Variants in GOLM2 observed in about 807,000 individuals in gnomAD.
GOLM2 encodes golgi membrane protein 2.
A neutral mutation model predicts 55.9 loss-of-function variants in GOLM2; 26 were observed. That is an observed-to-expected ratio of 0.47 (90% confidence interval 0.34 to 0.65). The LOEUF (loss-of-function observed/expected upper bound fraction) is 0.65. GOLM2 is among the 30% of genes least tolerant of loss of function. The pLI is 0.01. For missense variants in GOLM2, 486 were observed against 531.8 expected, an observed-to-expected ratio of 0.91 and a Z score of 0.85; for synonymous variants, 165 against 194.6, an observed-to-expected ratio of 0.85 and a Z score of 1.27.
Position 44,349,819 on chromosome 15 carries a change from T to C in GOLM2, c.802+11502T>C, listed in dbSNP as rs2079149773. 3.3e-5 allele frequency among the ~76,000 whole-genome samples: 5 copies of C among 152,164 alleles called. No homozygotes were observed. In the South Asian group the frequency reaches 1.0e-3, roughly 32 times the overall value. On this transcript the variant is annotated intron_variant, in intron 6 of 9. Transcript: ENST00000299957. ...TCTCTGAACCACAATGGAATAAAAT[T>C]ATAAATCAATAACAAGAGGCATTTT...
chr15:44,369,946 C>T (rs1052528901), intron 6 of GOLM2, among the ~76,000 whole-genome samples: 10 of 151,958 alleles, frequency 6.6e-5, no homozygotes, highest in Admixed American at 1.3e-4. Context: ...AGGTTGTCTG[C>T]GAGCTTGAGG....
rs774916735 is a variant in GOLM2, at chr15:44,413,364, T to C, written c.1269T>C (p.Asp423=). The change falls in exon 10 of 10, where the codon GAT becomes GAC. Residue 423 remains aspartate, a synonymous_variant. Coordinates refer to ENST00000299957, the MANE Select transcript of GOLM2 (RefSeq NM_138423.4). ...ATGAAGAACGAGAGCTTCAAATGGA[T>C]CCTGCAGACTATGGAAAGCAACATT... ...QDDEERELQM[D]PADYGKQHFN... is the part of the protein sequence containing the mutation. 20 of 1,611,220 alleles carry C rather than the reference T, an allele frequency of 1.2e-5. No individual in the cohort carries two copies. Among genetic ancestry groups the C allele is most frequent in the Non-Finnish European group, 1.7e-5 (20 of 1,179,342 alleles).
Position 44,392,516 on chromosome 15 carries a change from A to T in GOLM2, c.1073-10371A>T, listed in dbSNP as rs530442329. ...TGCGCACATATAGTACCAGCTACTT[A>T]GGAGGCTGAGGCTGGAGAATCGCTT... On this transcript the variant is annotated intron_variant, in intron 8 of 9. Coordinates refer to ENST00000299957, the MANE Select transcript of GOLM2 (RefSeq NM_138423.4). 6.6e-5 allele frequency among the ~76,000 whole-genome samples: 10 copies of T among 151,862 alleles called. No homozygotes were observed. The East Asian group carries it at 2.0e-3, about 30-fold the overall frequency.
chr15:44,302,979 T>G (rs988666214), intron 1 of GOLM2, among the ~76,000 whole-genome samples: 1 of 152,066 alleles, frequency 6.6e-6, no homozygotes, highest in Non-Finnish European at 1.5e-5. Flanking sequence ...GGCGGACGCC[T>G]GTAGTCCCAG....
At chr15:44,358,342 G>C (rs2079211505) in intron 6 of GOLM2, among the ~76,000 whole-genome samples, 1 of 152,168 alleles carries the variant, frequency 6.6e-6, no homozygotes, top group African/African-American at 2.4e-5. Flanking sequence ...GACAGAGCGA[G>C]ACTCTGTCTC....
intron 6 of GOLM2, among the ~76,000 whole-genome samples, chr15:44,347,541 A>G (rs1375791271): frequency 1.3e-5 from 2 of 152,232 alleles, no homozygotes; most frequent in Admixed American, 6.5e-5. Context: ...TTTCTCTCCC[A>G]GCAGGCAGAA....
Position 44,379,765 on chromosome 15 carries a change from C to T in GOLM2, c.878C>T (p.Pro293Leu), listed in dbSNP as rs745948289. 1.2e-6 allele frequency: 2 copies of T among 1,610,098 alleles called. No individual in the cohort carries two copies. The highest frequency in any genetic ancestry group is 1.7e-6 in the Non-Finnish European group (2 of 1,176,832). Residue 293 changes from proline to leucine, a missense_variant, in exon 7 of 10, where the codon CCT (proline) becomes CTT (leucine). Transcript: ENST00000299957. Reference protein sequence around the residue: ...QAISHLPTGQPLSPNMPPDSH... With the variant: ...QAISHLPTGQLLSPNMPPDSH... Reference sequence around the variant, plus strand: ...ATCTCCCATCTTCCAACTGGACAACCTCTCTCCCCAAATATGCCTCCAGGT... The same window carrying T: ...ATCTCCCATCTTCCAACTGGACAACTTCTCTCCCCAAATATGCCTCCAGGT...
chr15:44,358,230 C>T (rs1235482866), intron 6 of GOLM2, among the ~76,000 whole-genome samples: 7 of 152,018 alleles, frequency 4.6e-5, no homozygotes, highest in Admixed American at 3.9e-4. Flanking sequence ...GGCGCACATC[C>T]GTAATCCCAG....
intron 8 of GOLM2, among the ~76,000 whole-genome samples, chr15:44,398,961 C>CTAGGGGAGTAATAAAGTAATTATATTTA (rs2079545706): frequency 6.6e-6 from 1 of 152,028 alleles, no homozygotes. Flanking sequence ...AGCCACCATG[C>CTAGGGGAGTAATAAAGTAATTATATTTA]CTGGCCCCGT....
At chr15:44,333,147 T>C (rs948988104) in intron 4 of GOLM2, among the ~76,000 whole-genome samples, 20 of 152,214 alleles carry the variant, frequency 1.3e-4, no homozygotes, top group African/African-American at 4.6e-4. Context: ...TTAGCCAGGA[T>C]GGTCTCGATC....
chr15:44,365,613 A>G (rs529094293), intron 6 of GOLM2, among the ~76,000 whole-genome samples: 1 of 152,206 alleles, frequency 6.6e-6, no homozygotes. Context: ...ACAACTATAG[A>G]TATTCCGGAA....
intron 6 of GOLM2, among the ~76,000 whole-genome samples, chr15:44,346,937 G>T (rs1287376033): frequency 5.3e-5 from 8 of 151,896 alleles, no homozygotes; most frequent in African/African-American, 1.9e-4. Flanking sequence ...CGAGGCTTGG[G>T]CAACATAACA....
intron 3 of GOLM2, among the ~76,000 whole-genome samples, chr15:44,331,443 C>A (rs1248327566): frequency 6.6e-6 from 1 of 152,216 alleles, no homozygotes; most frequent in African/African-American, 2.4e-5. Context: ...AGCAGAAAGT[C>A]ACCATCTTTA....
chr15:44,296,011 A>G (rs1326025242), intron 1 of GOLM2, among the ~76,000 whole-genome samples: 2 of 151,910 alleles, frequency 1.3e-5, no homozygotes, highest in Admixed American at 6.6e-5. Flanking sequence ...AGTACAGGGC[A>G]TGTCTCTTAA....
intron 9 of GOLM2, among the ~76,000 whole-genome samples, chr15:44,411,013 C>CTTTTTTTT (rs201998296): frequency 2.5e-5 from 2 of 81,336 alleles, no homozygotes; most frequent in East Asian, 7.3e-4. Context: ...GTTTGTTTGA[C>CTTTTTTTT]TTTTTTTTTT....
chr15:44,343,212 A>G (rs902878081), intron 6 of GOLM2, among the ~76,000 whole-genome samples: 1 of 151,916 alleles, frequency 6.6e-6, no homozygotes, highest in African/African-American at 2.4e-5. Context: ...GGGCACCTGT[A>G]ATCCCAGCTA....
Position 44,289,468 on chromosome 15 carries a change from G to A in GOLM2, c.327+112G>A. The A allele has an allele frequency of 2.0e-6, 2 of 1,002,238 alleles. No homozygotes were observed. The highest frequency in any genetic ancestry group is 2.9e-6 in the Non-Finnish European group (2 of 695,362). The allele number at this position is 1,002,238 out of a possible 1,614,324, so 62.1% of individuals were successfully genotyped here. A position where few individuals can be genotyped will look rare whatever the true frequency, so the allele number is the denominator to read the frequency against. On this transcript the variant is annotated intron_variant, in intron 1 of 9. Coordinates refer to ENST00000299957, the MANE Select transcript of GOLM2 (RefSeq NM_138423.4). The surrounding 1 kb of genome is among the most constrained non-coding windows in gnomAD (Gnocchi z 4.8). ...TTATGCCTTCCAGTATTTCAGTCCT[G>A]AAGGCTCCTTTCACCCCCAACAACC...
chr15:44,315,225 A>G (rs900914054), intron 1 of GOLM2, among the ~76,000 whole-genome samples: 19 of 152,366 alleles, frequency 1.2e-4, no homozygotes, highest in Admixed American at 1.2e-3. Flanking sequence ...TCATCTGAGT[A>G]TGAAATATAA....
At chr15:44,352,548 C>T (rs975882977) in intron 6 of GOLM2, among the ~76,000 whole-genome samples, 1 of 151,972 alleles carries the variant, frequency 6.6e-6, no homozygotes, top group Non-Finnish European at 1.5e-5. Flanking sequence ...CACAGGCAAC[C>T]AAAGAAAAGA....
Sources: allele counts gnomAD v4.1 joint callset (sites outside exome capture counted in the v4.1 genomes callset), GRCh38; gene constraint gnomAD v4.1.1; non-coding constraint Gnocchi (gnomAD v3.1); transcripts MANE v1.5; gene names NCBI Gene and HGNC (gene_info 2026-07-23, HGNC 2026-07-21).